Variants in TARBP1 observed in about 807,000 individuals in gnomAD.
TARBP1 encodes the protein tRNA guanosine 2 -O-methyltransferase TARBP1.
Under a neutral mutation model 178.6 loss-of-function variants are expected in TARBP1, and 144 were observed. The ratio of observed to expected loss-of-function variants is 0.81; its 90% confidence interval spans 0.70 to 0.93. TARBP1 has a LOEUF of 0.93. Ranked by LOEUF, TARBP1 falls within the 40% of genes least tolerant of loss-of-function variation. TARBP1 has a pLI of 0.00. For missense variants in TARBP1, 2,067 were observed against 2,011.7 expected, an observed-to-expected ratio of 1.03 and a Z score of -0.53; for synonymous variants, 787 against 781.0, an observed-to-expected ratio of 1.01 and a Z score of -0.13.
Position 234,437,321 on chromosome 1 carries a change from A to T in TARBP1, c.2186T>A (p.Ile729Asn), listed in dbSNP as rs1665128742. ...QNFFMSTTES[I>N]SEFILRRLTM... ...AAGTCTTCTGAGAATAAATTCAGAA[A>T]TGCTCTCTGTAGTAGACATGAAAAA... is the stretch of plus-strand genomic sequence containing the variant. Residue 729 changes from isoleucine (I) to asparagine (N), a missense_variant, in exon 13 of 30, where the codon ATT becomes AAT. Ile to Asn is a moderately radical substitution (Grantham distance 149). Coordinates refer to ENST00000040877, the MANE Select transcript of TARBP1 (RefSeq NM_005646.4). 6.3e-7 allele frequency: 1 copy of T among 1,599,430 alleles called. No individual in the cohort carries two copies. Among genetic ancestry groups the T allele is most frequent in the Non-Finnish European group, 8.5e-7 (1 of 1,172,358 alleles).
chr1:234,470,159 T>C (rs770819337), intron 3 of TARBP1, among the ~76,000 whole-genome samples: 4 of 151,848 alleles, frequency 2.6e-5, no homozygotes, highest in Non-Finnish European at 5.9e-5. Context: ...CTCAGCTGCT[T>C]GGGAGGCCGA....
intron 23 of TARBP1, among the ~76,000 whole-genome samples, chr1:234,408,202 T>G (rs551122693): frequency 1.7e-4 from 23 of 139,284 alleles, no homozygotes; most frequent in African/African-American, 5.5e-4. Context: ...TAAGAAAGGT[T>G]TTTTTTTTTT....
intron 6 of TARBP1, among the ~76,000 whole-genome samples, chr1:234,462,715 C>CT (rs1329704488): frequency 4.1e-5 from 6 of 147,394 alleles, no homozygotes; most frequent in Admixed American, 1.4e-4. Context: ...AAGAATGACT[C>CT]TAACAGTTAT....
chr1:234,456,750 G>C (rs1667326747), intron 9 of TARBP1, among the ~76,000 whole-genome samples: 1 of 152,106 alleles, frequency 6.6e-6, no homozygotes, highest in Non-Finnish European at 1.5e-5. Context: ...TATATTCATA[G>C]GGAAAAAGAA....
chr1:234,433,448 C>T lies in TARBP1; in HGVS notation c.2356G>A (p.Ala786Thr), dbSNP rs1261708291. 1.9e-6 allele frequency: 3 copies of T among 1,613,820 alleles called. No homozygotes were observed. Among genetic ancestry groups the T allele is most frequent in the East Asian group, 2.2e-5 (1 of 44,886 alleles). The change falls in exon 14 of 30, where the codon GCA becomes ACA. Residue 786 changes from alanine to threonine, a missense_variant. Coordinates refer to ENST00000040877, the MANE Select transcript of TARBP1 (RefSeq NM_005646.4). ...ATCTCTTGAAGATGCTGAATGGATG[C>T]ATTTTTCAAAAGAGAAATAACTCTC... ...IWRVISLLKN[A>T]SIQHLQEMDS...
intron 9 of TARBP1, among the ~76,000 whole-genome samples, chr1:234,451,320 T>A (rs1424374427): frequency 6.6e-6 from 1 of 152,212 alleles, no homozygotes; most frequent in Non-Finnish European, 1.5e-5. Context: ...AGTTTAAATA[T>A]GAAGAAAATA....
intron 13 of TARBP1, among the ~76,000 whole-genome samples, chr1:234,433,928 A>T (rs1664742099): frequency 6.6e-6 from 1 of 152,228 alleles, no homozygotes; most frequent in Non-Finnish European, 1.5e-5. Context: ...AGCAATGACT[A>T]CTTCCACTGT....
chr1:234,471,165 A>C (rs1669016407), intron 3 of TARBP1, 23 bp downstream of exon 3: 2 of 1,544,862 alleles, frequency 1.3e-6, no homozygotes, highest in Non-Finnish European at 1.8e-6. Context: ...GTTATTAAAA[A>C]ATAAAATAAA....
intron 17 of TARBP1, among the ~76,000 whole-genome samples, chr1:234,428,066 CCTTT>C (rs1663987356): frequency 1.3e-5 from 2 of 152,212 alleles, no homozygotes; most frequent in Non-Finnish European, 2.9e-5. Flanking sequence ...CATTCAGCTT[CCTTT>C]GTTTGCATTT....
Position 234,478,378 on chromosome 1 carries a change from G to A in TARBP1, c.726C>T (p.Pro242=), listed in dbSNP as rs747957277. The change falls in exon 1 of 30, where the codon CCC becomes CCT. Residue 242 remains proline (P), a synonymous_variant. Coordinates refer to ENST00000040877, the MANE Select transcript of TARBP1 (RefSeq NM_005646.4). ...CGCGGGCGCGGTCGCCGCCGGGCTC[G>A]GGCAACAGCTTCTCGGCCAGGGCGC... The part of the protein sequence containing the change: ...VLSALAEKLL[P]EPGGDRARGA... 2.3e-6 allele frequency: 3 copies of A among 1,310,480 alleles called. No homozygotes were observed. Among genetic ancestry groups the A allele is most frequent in the Admixed American group, 3.4e-5 (1 of 29,708 alleles). The allele number at this position is 1,310,480 out of a possible 1,614,324, so 81.2% of individuals were successfully genotyped here. A position where few individuals can be genotyped will look rare whatever the true frequency, so the allele number is the denominator to read the frequency against.
At chr1:234,448,630 G>T (rs1421505499) in intron 10 of TARBP1, 51 bp from the exon 11 acceptor site, 1 of 1,448,116 alleles carries the variant, frequency 6.9e-7, no homozygotes, top group South Asian at 1.2e-5. Flanking sequence ...ATCCTTCAAG[G>T]ATGATGCTTC....
Position 234,392,438 on chromosome 1 carries a change from C to A in TARBP1, c.4675G>T (p.Glu1559Ter). Residue 1559 changes from glutamate to a stop codon, truncating the protein, a stop_gained, in exon 29 of 30, where the codon GAG becomes TAG. Transcript: ENST00000040877. LOFTEE classifies it low-confidence loss of function (END_TRUNC). ...TACCCCAACAAGAGCAGAGATTTCT[C>A]AGGAAAGCAATATTGGGTTAGGTCT... Reference protein sequence around the residue: ...SLDLTQYCFPEKSLLLLGNER... With the variant: ...SLDLTQYCFP 6 of 1,614,118 alleles carry A rather than the reference C, an allele frequency of 3.7e-6. No individual in the cohort carries two copies. The highest frequency in any genetic ancestry group is 5.1e-6 in the Non-Finnish European group (6 of 1,179,996).
At chr1:234,399,859 G>T (rs575468323) in intron 25 of TARBP1, among the ~76,000 whole-genome samples, 2 of 136,176 alleles carry the variant, frequency 1.5e-5, no homozygotes, top group Non-Finnish European at 3.1e-5. Flanking sequence ...CACAGGAAGG[G>T]GAACATTACA....
chr1:234,429,820 C>A (rs559037776), intron 15 of TARBP1, 143 bp from the exon 16 acceptor site: 29 of 1,019,988 alleles, frequency 2.8e-5, no homozygotes, highest in Admixed American at 1.3e-4. Flanking sequence ...AGCCTATCTA[C>A]CAAAAACTAA....
At chr1:234,471,662 T>C (rs1271274703) in intron 2 of TARBP1, among the ~76,000 whole-genome samples, 3 of 152,246 alleles carry the variant, frequency 2.0e-5, no homozygotes, top group Non-Finnish European at 4.4e-5. Context: ...TTCCATGTTC[T>C]TAATACCACA....
Position 234,429,484 on chromosome 1 carries a change from C to T in TARBP1, c.2803G>A (p.Ala935Thr), listed in dbSNP as rs758579051. Residue 935 changes from alanine (A) to threonine (T), a missense_variant, in exon 16 of 30, where the codon GCC becomes ACC. Physicochemically the swap from Ala to Thr is moderately conservative, Grantham distance 58. Transcript: ENST00000040877. Reference sequence around the variant, plus strand: ...TGATCAGAAGAAAGAACTGTGAGGGCTTCTAGTGCAGACTGCAAAGTCCTT... The same window carrying T: ...TGATCAGAAGAAAGAACTGTGAGGGTTTCTAGTGCAGACTGCAAAGTCCTT... ...PIRTLQSALE[A>T]LTVLSSDQVL... is the part of the protein sequence containing the mutation. 3.1e-6 allele frequency: 5 copies of T among 1,614,182 alleles called. No homozygotes were observed. The highest frequency in any genetic ancestry group is 4.2e-6 in the Non-Finnish European group (5 of 1,180,024).
Position 234,457,836 on chromosome 1 carries a change from A to G in TARBP1, c.1633-80T>C. 3 of 952,570 alleles carry G rather than the reference A, an allele frequency of 3.1e-6. No homozygotes were observed. In the South Asian group the frequency reaches 4.5e-5, roughly 14 times the overall value. 59.0% of individuals were successfully genotyped at this position (952,570 alleles called of 1,614,324 possible). A position where few individuals can be genotyped will look rare whatever the true frequency, so the allele number is the denominator to read the frequency against. On this transcript the variant is annotated intron_variant, in intron 8 of 29. Coordinates refer to ENST00000040877, the MANE Select transcript of TARBP1 (RefSeq NM_005646.4). ...ATAAACTAAAACCACTGTGAAGGCA[A>G]TCAATTCTACTACTTAAAGTAGGTT... is the stretch of plus-strand genomic sequence containing the variant.
intron 4 of TARBP1, among the ~76,000 whole-genome samples, chr1:234,465,916 T>A (rs1325890725): frequency 6.6e-6 from 1 of 152,142 alleles, no homozygotes; most frequent in East Asian, 1.9e-4. Flanking sequence ...TACAGAATTT[T>A]CCCACCTGAT....
intron 1 of TARBP1, among the ~76,000 whole-genome samples, chr1:234,475,838 CCAGGCTTCAGCTAA>C (rs1669523002): frequency 6.6e-6 from 1 of 152,232 alleles, no homozygotes; most frequent in Non-Finnish European, 1.5e-5. Context: ...TTTCGAGACT[CCAGGCTTCAGCTAA>C]GCAAGTAGCC....
Sources: allele counts gnomAD v4.1 joint callset (sites outside exome capture counted in the v4.1 genomes callset), GRCh38; gene constraint gnomAD v4.1.1; transcripts MANE v1.5; gene names NCBI Gene and HGNC (gene_info 2026-07-23, HGNC 2026-07-21).